The following LRRC37A2 variants were observed in gnomAD, a reference collection of about 807,000 sequenced individuals.
LRRC37A2 encodes the protein leucine-rich repeat-containing protein 37A2.
A neutral mutation model predicts 68.8 loss-of-function variants in LRRC37A2; 9 were observed. The ratio of observed to expected loss-of-function variants is 0.13; its 90% CI spans 0.08 to 0.23. The LOEUF is 0.23. Ranked by LOEUF, LRRC37A2 falls within the 10% of genes least tolerant of loss-of-function variation. LRRC37A2 has a pLI of 1.00. For missense variants in LRRC37A2, 168 were observed against 950.4 expected, an observed-to-expected ratio of 0.18 and a Z score of 10.82; for synonymous variants, 63 against 367.6, an observed-to-expected ratio of 0.17 and a Z score of 9.48.
the LRRC37A2 span, chr17:46,710,822 G>C: frequency 1.5e-6 from 1 of 678,378 alleles, no homozygotes; most frequent in Non-Finnish European, 2.2e-6. Flanking sequence ...AATTATACAA[G>C]TTGTTTTGCT....
chr17:46,751,565 G>A, the LRRC37A2 span: 287,469 of 1,613,040 alleles, frequency 0.18, 29,444 homozygotes, highest in Non-Finnish European at 0.21. Context: ...AAGGGAAGAA[G>A]GTCTGGATAG....
At chr17:46,931,741 G>T in the LRRC37A2 span, 1 of 399,586 alleles carries the variant, frequency 2.5e-6, no homozygotes, top group Admixed American at 4.1e-5. Flanking sequence ...TCTTCCAGGA[G>T]AGCCATATAA....
chr17:46,713,860 T>A, the LRRC37A2 span: 1 of 1,611,058 alleles, frequency 6.2e-7, no homozygotes, highest in Non-Finnish European at 8.5e-7. Flanking sequence ...CAGGCCCTCC[T>A]CACAGTGGGA....
At chr17:46,917,789 T>C in the LRRC37A2 span, among the ~76,000 whole-genome samples, 23 of 152,188 alleles carry the variant, frequency 1.5e-4, 1 homozygote, top group African/African-American at 2.4e-5. Flanking sequence ...GAAAGCTACA[T>C]AGGCCAATAC....
intron 6 of LRRC37A2, among the ~76,000 whole-genome samples, chr17:46,534,908 G>A (rs545883126): frequency 6.7e-6 from 1 of 149,838 alleles, no homozygotes; most frequent in Admixed American, 6.6e-5. Context: ...GCTGGGCGGA[G>A]GGGCTCCTCA....
chr17:46,710,482 C>A, the LRRC37A2 span, among the ~76,000 whole-genome samples: 3 of 152,112 alleles, frequency 2.0e-5, no homozygotes, highest in African/African-American at 7.2e-5. Context: ...TTAACTATGT[C>A]CCCTACCACA....
the LRRC37A2 span, among the ~76,000 whole-genome samples, chr17:47,013,883 C>T: frequency 6.6e-6 from 1 of 152,196 alleles, no homozygotes. Flanking sequence ...ACCTGTAATG[C>T]CAGTGCTTTG....
chr17:46,605,657 A>G, the LRRC37A2 span, among the ~76,000 whole-genome samples: 64 of 72,056 alleles, frequency 8.9e-4, no homozygotes, highest in Non-Finnish European at 1.1e-3. Context: ...CAAACACTCA[A>G]TGTTGTAACC....
the LRRC37A2 span, among the ~76,000 whole-genome samples, chr17:46,807,579 A>G: frequency 6.6e-6 from 1 of 152,234 alleles, no homozygotes; most frequent in African/African-American, 2.4e-5. Context: ...TCCCAGAGCA[A>G]TGTTTATTTT....
the LRRC37A2 span, among the ~76,000 whole-genome samples, chr17:46,470,460 A>G: frequency 1.4e-5 from 1 of 69,072 alleles, no homozygotes; most frequent in Non-Finnish European, 3.8e-5. Flanking sequence ...TTGCCACCAA[A>G]AAACATAGCT....
the LRRC37A2 span, among the ~76,000 whole-genome samples, chr17:46,811,963 A>AAAAG: frequency 2.8e-4 from 42 of 152,222 alleles, no homozygotes; most frequent in East Asian, 4.4e-3. Context: ...TTTCAAGAAA[A>AAAAG]AAAGAAAGAA....
the LRRC37A2 span, among the ~76,000 whole-genome samples, chr17:46,971,354 T>G: frequency 6.6e-5 from 10 of 151,940 alleles, no homozygotes; most frequent in Non-Finnish European, 1.3e-4. Context: ...ATTAATTAAT[T>G]AATTAAAAAG....
chr17:46,972,726 C>T, the LRRC37A2 span, among the ~76,000 whole-genome samples: 5 of 152,168 alleles, frequency 3.3e-5, no homozygotes, highest in South Asian at 2.1e-4. Context: ...CACTGGCTGA[C>T]GCTGGCTACC....
the LRRC37A2 span, among the ~76,000 whole-genome samples, chr17:46,601,878 T>TAA: frequency 0.087 from 12,189 of 140,062 alleles, 348 homozygotes; most frequent in East Asian, 0.42. Context: ...CCCACTCCTT[T>TAA]AAAAAAAAAA....
the LRRC37A2 span, among the ~76,000 whole-genome samples, chr17:46,788,229 A>G: frequency 6.6e-6 from 1 of 152,150 alleles, no homozygotes; most frequent in South Asian, 2.1e-4. Context: ...GTGGAATTCT[A>G]ATTCAAATTT....
the LRRC37A2 span, among the ~76,000 whole-genome samples, chr17:46,981,800 G>C: frequency 6.6e-6 from 1 of 152,126 alleles, no homozygotes; most frequent in African/African-American, 2.4e-5. Flanking sequence ...CTGATCACCT[G>C]GCTCAAGTGA....
chr17:46,635,777 ATGTGTGTGTGTGTG>A, the LRRC37A2 span, among the ~76,000 whole-genome samples: 1,413 of 116,790 alleles, frequency 0.012, 116 homozygotes, highest in African/African-American at 0.037. Flanking sequence ...GGGAAAATAA[ATGTGTGTGTGTGTG>A]TGTGTGTGTG....
At chr17:46,973,564 C>CT in the LRRC37A2 span, among the ~76,000 whole-genome samples, 1 of 152,112 alleles carries the variant, frequency 6.6e-6, no homozygotes, top group Non-Finnish European at 1.5e-5. Context: ...GATCTCAAGT[C>CT]TAAGTAATAG....
At chr17:46,804,513 C>G in the LRRC37A2 span, among the ~76,000 whole-genome samples, 3 of 152,204 alleles carry the variant, frequency 2.0e-5, no homozygotes, top group Non-Finnish European at 2.9e-5. Flanking sequence ...ACGGAAGCCT[C>G]TAAATCAGAG....
Sources: gnomAD v4.1 joint callset for allele counts (sites outside exome capture counted in the v4.1 genomes callset) on GRCh38, gnomAD v4.1.1 for gene constraint, MANE v1.5 for transcripts, NCBI Gene and HGNC (gene_info 2026-07-23, HGNC 2026-07-21) for gene names.